The following RUNDC3B variants were observed in gnomAD, a reference collection of about 807,000 sequenced individuals.
RUNDC3B encodes RUN domain-containing protein 3B.
Under a neutral mutation model 58.4 loss-of-function variants are expected in RUNDC3B, and 33 were observed. The ratio of observed to expected loss-of-function variants is 0.56; its 90% confidence interval spans 0.43 to 0.75. The LOEUF (loss-of-function observed/expected upper bound fraction) is 0.75. Among genes scored for constraint, RUNDC3B ranks in the 30% least tolerant of loss-of-function variants. The pLI is 0.00. For missense variants in RUNDC3B, 501 were observed against 535.7 expected, an observed-to-expected ratio of 0.94 and a Z score of 0.64; for synonymous variants, 193 against 195.2, an observed-to-expected ratio of 0.99 and a Z score of 0.10.
chr7:87,823,844 C>G (rs898367581), intron 10 of RUNDC3B, among the ~76,000 whole-genome samples: 1 of 149,352 alleles, frequency 6.7e-6, no homozygotes, highest in South Asian at 2.1e-4. Context: ...ACACACTCAC[C>G]TACATACATA....
At chr7:87,683,266 T>G (rs1827112227) in intron 2 of RUNDC3B, among the ~76,000 whole-genome samples, 1 of 152,198 alleles carries the variant, frequency 6.6e-6, no homozygotes, top group African/African-American at 2.4e-5. Context: ...TTTCTTCATA[T>G]CAGCAATAAG....
At chr7:87,666,275 G>A (rs1206863075) in intron 2 of RUNDC3B, among the ~76,000 whole-genome samples, 4 of 152,072 alleles carry the variant, frequency 2.6e-5, no homozygotes, top group Non-Finnish European at 1.5e-5. Flanking sequence ...CTTGTGGGCC[G>A]TGTGTATGCT....
intron 10 of RUNDC3B, among the ~76,000 whole-genome samples, chr7:87,816,481 T>C (rs374565742): frequency 6.6e-6 from 1 of 152,138 alleles, no homozygotes; most frequent in African/African-American, 2.4e-5. Context: ...CTTCATTTAC[T>C]CACTTCCTGT....
At chr7:87,808,073 A>G (rs182416391) in intron 9 of RUNDC3B, among the ~76,000 whole-genome samples, 1 of 152,198 alleles carries the variant, frequency 6.6e-6, no homozygotes, top group African/African-American at 2.4e-5. Context: ...TCCTTTAGGT[A>G]ATCTTCATCT....
In RUNDC3B at chr7:87,807,467, G is replaced by C. The variant is rs1398160933; in HGVS notation, c.1051G>C (p.Ala351Pro). The C allele has an allele frequency of 6.2e-7, 1 of 1,613,546 alleles. No homozygotes were observed. Among genetic ancestry groups the C allele is most frequent in the Non-Finnish European group, 8.5e-7 (1 of 1,179,652 alleles). The change falls in exon 9 of 11, where the codon GCT becomes CCT. Residue 351 changes from alanine to proline, a missense_variant. Transcript: ENST00000394654. ...TTCTCCAGGAGCTCTGGATGTCAAT[G>C]CTGTTGCCTTGGATACGTTGCTTTA... ...WPSPGALDVN[A>P]VALDTLLYRK...
At chr7:87,793,799 T>C (rs892719493) in intron 8 of RUNDC3B, among the ~76,000 whole-genome samples, 4 of 152,110 alleles carry the variant, frequency 2.6e-5, no homozygotes, top group Admixed American at 2.0e-4. Context: ...CTTCCACTGC[T>C]GTCATTCAGT....
At chr7:87,807,631 C>A in intron 9 of RUNDC3B, 112 bp downstream of exon 9, 1 of 772,478 alleles carries the variant, frequency 1.3e-6, no homozygotes, top group Non-Finnish European at 2.1e-6. Flanking sequence ...TATCTTAGAG[C>A]AAAGACAAGA....
At chr7:87,678,085 C>T (rs1443026752) in intron 2 of RUNDC3B, among the ~76,000 whole-genome samples, 1 of 152,170 alleles carries the variant, frequency 6.6e-6, no homozygotes, top group Non-Finnish European at 1.5e-5. Context: ...CAGAAGAAAA[C>T]TTGGAACTTC....
intron 2 of RUNDC3B, chr7:87,659,277 C>T: frequency 2.5e-6 from 1 of 402,788 alleles, no homozygotes; most frequent in South Asian, 1.9e-5. Flanking sequence ...GTTTGTTCCC[C>T]CTGTTCTTGG....
At chr7:87,738,968 T>C (rs1832154660) in intron 4 of RUNDC3B, among the ~76,000 whole-genome samples, 1 of 151,914 alleles carries the variant, frequency 6.6e-6, no homozygotes, top group African/African-American at 2.4e-5. Context: ...CACTCTCTTA[T>C]ATGTAATATA....
chr7:87,792,717 G>A (rs1025959127), intron 8 of RUNDC3B, among the ~76,000 whole-genome samples: 16 of 152,004 alleles, frequency 1.1e-4, no homozygotes, highest in African/African-American at 3.9e-4. Flanking sequence ...GCAGTCCTAC[G>A]AGGGAACTTC....
chr7:87,743,521 A>G (rs1332218054), intron 6 of RUNDC3B, among the ~76,000 whole-genome samples: 2 of 152,136 alleles, frequency 1.3e-5, no homozygotes, highest in African/African-American at 2.4e-5. Context: ...TTGCAGGAGT[A>G]AGGTGGTATC....
intron 6 of RUNDC3B, among the ~76,000 whole-genome samples, chr7:87,759,211 T>C (rs1457995091): frequency 6.6e-6 from 1 of 152,148 alleles, no homozygotes; most frequent in Non-Finnish European, 1.5e-5. Flanking sequence ...GATTATATTA[T>C]GTGAAATAAG....
At chr7:87,644,178 A>C (rs992301559) in intron 1 of RUNDC3B, among the ~76,000 whole-genome samples, 13 of 152,230 alleles carry the variant, frequency 8.5e-5, no homozygotes, top group African/African-American at 3.1e-4. Context: ...GTTGATTCTG[A>C]AAAATTCTCT....
chr7:87,723,709 AG>A, intron 4 of RUNDC3B, among the ~76,000 whole-genome samples: 1 of 152,320 alleles, frequency 6.6e-6, no homozygotes, highest in South Asian at 2.1e-4. Flanking sequence ...ATACAAGACT[AG>A]GATTGTGCAT....
At chr7:87,782,026 G>A (rs1834951018) in intron 8 of RUNDC3B, among the ~76,000 whole-genome samples, 1 of 151,940 alleles carries the variant, frequency 6.6e-6, no homozygotes, top group Admixed American at 6.6e-5. Flanking sequence ...ATCCTCCTTG[G>A]TATTTTGGAA....
chr7:87,663,717 C>T (rs1042710092), intron 2 of RUNDC3B, among the ~76,000 whole-genome samples: 1 of 152,078 alleles, frequency 6.6e-6, no homozygotes, highest in Non-Finnish European at 1.5e-5. Context: ...AGTACTATAA[C>T]AAAATACTAC....
chr7:87,709,601 G>A, intron 3 of RUNDC3B: 4 of 752,798 alleles, frequency 5.3e-6, no homozygotes, highest in Non-Finnish European at 4.9e-6. Context: ...TTTAACTACT[G>A]CCTATATTGA....
intron 4 of RUNDC3B, among the ~76,000 whole-genome samples, chr7:87,727,076 TATTTCTTTC>T (rs1036412747): frequency 1.3e-5 from 2 of 152,234 alleles, no homozygotes; most frequent in African/African-American, 4.8e-5. Flanking sequence ...GAATACCCTT[TATTTCTTTC>T]ATTTGCCTGA....
Sources: gnomAD v4.1 joint callset for allele counts (sites outside exome capture counted in the v4.1 genomes callset) on GRCh38, gnomAD v4.1.1 for gene constraint, MANE v1.5 for transcripts, NCBI Gene and HGNC (gene_info 2026-07-23, HGNC 2026-07-21) for gene names.